ERCC6L2: variants seen among roughly 807,000 people sequenced by gnomAD.
ERCC6L2 encodes the protein DNA excision repair protein ERCC-6-like 2.
A neutral mutation model predicts 132.0 loss-of-function variants in ERCC6L2; 77 were observed. The ratio of observed to expected loss-of-function variants is 0.58; its 90% CI spans 0.49 to 0.71. The LOEUF (loss-of-function observed/expected upper bound fraction) is 0.71. Among genes scored for constraint, ERCC6L2 ranks in the 30% least tolerant of loss-of-function variants. ERCC6L2 has a pLI of 0.00. For missense variants in ERCC6L2, 1,542 were observed against 1,837.6 expected (o/e 0.84, Z 2.94); for synonymous variants, 583 against 632.4 (o/e 0.92, Z 1.17).
At chr9:96,018,769 G>A (rs772680606), downstream of ERCC6L2, among the ~76,000 whole-genome samples, 3 of 151,082 alleles carry the variant, frequency 2.0e-5, no homozygotes, top group African/African-American at 4.9e-5. Context: ...TATTTGCTTT[G>A]CTGCAGGTTA....
At chr9:95,899,600 A>ATATGTGTGTGTGTGTGTG (rs746946004) in intron 3 of ERCC6L2, among the ~76,000 whole-genome samples, 1 of 134,820 alleles carries the variant, frequency 7.4e-6, no homozygotes, top group Non-Finnish European at 1.6e-5. Context: ...TTATATATAT[A>ATATGTGTGTGTGTGTGTG]TGTGTGTGTG....
In ERCC6L2 at chr9:95,915,680, A is replaced by G. The variant is rs747882125; in HGVS notation, c.801A>G (p.Ser267=). 6.2e-6 allele frequency: 10 copies of G among 1,612,378 alleles called. No homozygotes were observed. The highest frequency in any genetic ancestry group is 8.5e-6 in the Non-Finnish European group (10 of 1,179,334). The part of the protein sequence containing the change: ...CLDELNSLEW[S]AVIVDEAHRI... ...TCTTACTTTATAGTTTGGAATGGTC[A>G]GCTGTCATTGTGGATGAAGCTCATA... The change falls in exon 5 of 19, where the codon TCA becomes TCG. Residue 267 remains serine (S), a synonymous_variant. Coordinates refer to ENST00000653738, the MANE Select transcript of ERCC6L2 (RefSeq NM_020207.7).
chr9:95,920,865 C>T (rs762785173), intron 6 of ERCC6L2, among the ~76,000 whole-genome samples: 7 of 152,172 alleles, frequency 4.6e-5, no homozygotes, highest in Non-Finnish European at 1.0e-4. Context: ...CAACCTCTGA[C>T]TCCTTGGTTC....
intron 11 of ERCC6L2, among the ~76,000 whole-genome samples, chr9:95,941,129 G>T (rs1237512068): frequency 6.6e-6 from 1 of 152,070 alleles, no homozygotes; most frequent in East Asian, 1.9e-4. Flanking sequence ...TATTTAGCTA[G>T]AATGTACTAA....
chr9:95,964,141 C>G (rs987126606), intron 13 of ERCC6L2, among the ~76,000 whole-genome samples: 1 of 152,094 alleles, frequency 6.6e-6, no homozygotes, highest in Non-Finnish European at 1.5e-5. Flanking sequence ...TTTTCTATTT[C>G]CATTATCCTT....
intron 8 of ERCC6L2, 119 bp from the exon 9 acceptor site, chr9:95,923,141 A>G (rs1168058101): frequency 2.4e-6 from 3 of 1,265,224 alleles, no homozygotes; most frequent in African/African-American, 3.0e-5. Flanking sequence ...TTAGGGAAGC[A>G]AAAATCTTTA....
At chr9:95,892,904 A>C (rs1475405971) in intron 2 of ERCC6L2, among the ~76,000 whole-genome samples, 1 of 152,168 alleles carries the variant, frequency 6.6e-6, no homozygotes. Context: ...ATTTAATTGG[A>C]ATATTTAGTT....
chr9:96,039,604 T>C (rs538679262), intron 20 of ERCC6L2, among the ~76,000 whole-genome samples: 3 of 152,100 alleles, frequency 2.0e-5, no homozygotes, highest in Admixed American at 6.5e-5. Flanking sequence ...AGGCCTCAAC[T>C]TACGGGGGAG....
chr9:95,899,250 G>T (rs1828629808), intron 3 of ERCC6L2, among the ~76,000 whole-genome samples: 1 of 152,154 alleles, frequency 6.6e-6, no homozygotes, highest in African/African-American at 2.4e-5. Flanking sequence ...AGGAGTTAAA[G>T]ACCAGCTTGG....
downstream of ERCC6L2, chr9:96,021,334 A>G (rs897277650): frequency 9.1e-6 from 3 of 328,360 alleles, no homozygotes; most frequent in African/African-American, 6.9e-5. This position sits in a 1 kb window ranked among gnomAD's most constrained non-coding sequence, Gnocchi z 4.7. Context: ...CCGGCTGGAA[A>G]CGGGAAAGCG....
intron 19 of ERCC6L2, among the ~76,000 whole-genome samples, chr9:96,032,849 C>T (rs1834477543): frequency 6.6e-6 from 1 of 152,174 alleles, no homozygotes; most frequent in Admixed American, 6.5e-5. Flanking sequence ...CTCAAGGCTC[C>T]CAGCTGGCTT....
chr9:95,900,477 T>G (rs2132622650), intron 3 of ERCC6L2, among the ~76,000 whole-genome samples: 1 of 152,344 alleles, frequency 6.6e-6, no homozygotes, highest in African/African-American at 2.4e-5. Context: ...CTAAATTATC[T>G]GTGGCCCTAA....
intron 17 of ERCC6L2, among the ~76,000 whole-genome samples, chr9:95,983,628 A>G (rs938786109): frequency 6.6e-6 from 1 of 152,198 alleles, no homozygotes; most frequent in African/African-American, 2.4e-5. Flanking sequence ...TCAATTGGAC[A>G]TGGCCCCCTA....
At chr9:95,995,735 T>C (rs1482707637) in intron 17 of ERCC6L2, among the ~76,000 whole-genome samples, 1 of 152,214 alleles carries the variant, frequency 6.6e-6, no homozygotes, top group East Asian at 1.9e-4. Context: ...TTTTTCGTTA[T>C]TATTATATCT....
chr9:95,921,458 T>C (rs1770918313), intron 7 of ERCC6L2, 143 bp downstream of exon 7: 1 of 503,244 alleles, frequency 2.0e-6, no homozygotes, highest in Non-Finnish European at 3.2e-6. Flanking sequence ...TTTTCAAAAA[T>C]ATTTTACAAT....
intron 17 of ERCC6L2, among the ~76,000 whole-genome samples, chr9:95,998,969 G>A (rs1358931854): frequency 6.6e-6 from 1 of 152,076 alleles, no homozygotes; most frequent in African/African-American, 2.4e-5. Flanking sequence ...TCACAGCCTT[G>A]TTTCAGTAAA....
downstream of ERCC6L2, chr9:96,021,152 G>T (rs967924587): frequency 1.1e-5 from 4 of 371,190 alleles, no homozygotes; most frequent in South Asian, 8.0e-5. This position sits in a 1 kb window ranked among gnomAD's most constrained non-coding sequence, Gnocchi z 4.7. Context: ...GCCAAGTGTC[G>T]GGCTGCGTCC....
chr9:95,886,024 T>A (rs112925610), intron 2 of ERCC6L2, among the ~76,000 whole-genome samples: 1 of 152,162 alleles, frequency 6.6e-6, no homozygotes, highest in South Asian at 2.1e-4. Context: ...GTTCTCTTTT[T>A]GTTTTTTTGA....
chr9:95,981,880 A>T (rs1352711150), intron 17 of ERCC6L2, among the ~76,000 whole-genome samples: 1 of 152,156 alleles, frequency 6.6e-6, no homozygotes, highest in Non-Finnish European at 1.5e-5. Flanking sequence ...GGCAACTGAG[A>T]TGTGGTGACT....
Sources: allele counts gnomAD v4.1 joint callset (sites outside exome capture counted in the v4.1 genomes callset), GRCh38; gene constraint gnomAD v4.1.1; non-coding constraint Gnocchi (gnomAD v3.1); transcripts MANE v1.5; gene names NCBI Gene and HGNC (gene_info 2026-07-23, HGNC 2026-07-21).